The following BORCS5 variants were observed in gnomAD, a reference collection of about 807,000 sequenced individuals.
The protein encoded by BORCS5 is BLOC-1-related complex subunit 5.
Under a neutral mutation model 22.1 loss-of-function variants are expected in BORCS5, and 17 were observed. The observed-to-expected ratio is 0.77, with a 90% confidence interval of 0.53 to 1.15. The LOEUF (loss-of-function observed/expected upper bound fraction) is 1.15, where lower values mean the gene tolerates loss of function less well. Among genes scored for constraint, BORCS5 ranks in the 50% most tolerant of loss-of-function variants. BORCS5 has a pLI of 0.00. For missense variants in BORCS5, 247 were observed against 253.2 expected (o/e 0.98, Z 0.17); for synonymous variants, 117 against 99.8 (o/e 1.17, Z -1.03).
chr12:12,462,689 C>G (rs1263273912), intron 3 of BORCS5, among the ~76,000 whole-genome samples: 1 of 151,718 alleles, frequency 6.6e-6, no homozygotes, highest in Non-Finnish European at 1.5e-5. Context: ...TGGAGTCTCG[C>G]TCTGTCACCC....
intron 3 of BORCS5, among the ~76,000 whole-genome samples, chr12:12,442,729 C>T (rs1405725715): frequency 6.6e-6 from 1 of 152,222 alleles, no homozygotes; most frequent in Non-Finnish European, 1.5e-5. Context: ...ATCTTTTCCA[C>T]TGCACCATAC....
intron 2 of BORCS5, among the ~76,000 whole-genome samples, chr12:12,416,478 C>G (rs944842003): frequency 2.0e-5 from 3 of 151,786 alleles, no homozygotes; most frequent in Non-Finnish European, 2.9e-5. Flanking sequence ...GGGTATCACT[C>G]TGTTGCCAAG....
chr12:12,407,464 C>G (rs1941618581), intron 2 of BORCS5, among the ~76,000 whole-genome samples: 1 of 151,632 alleles, frequency 6.6e-6, no homozygotes, highest in African/African-American at 2.4e-5. Context: ...AATCAACATA[C>G]CTGACTTTGT....
intron 1 of BORCS5, among the ~76,000 whole-genome samples, chr12:12,360,178 A>G (rs1863247643): frequency 6.6e-6 from 1 of 152,040 alleles, no homozygotes; most frequent in Non-Finnish European, 1.5e-5. Context: ...CCTGGCCAAT[A>G]TGGTGAAACC....
chr12:12,432,353 T>A (rs1942451490), intron 2 of BORCS5, among the ~76,000 whole-genome samples: 1 of 152,248 alleles, frequency 6.6e-6, no homozygotes, highest in African/African-American at 2.4e-5. Flanking sequence ...TTTGCGTTCC[T>A]GGAAATGTAT....
chr12:12,434,044 G>A (rs552776446), intron 2 of BORCS5, among the ~76,000 whole-genome samples: 1 of 151,992 alleles, frequency 6.6e-6, no homozygotes, highest in South Asian at 2.1e-4. Context: ...CAGGTGAGGT[G>A]GCTTACACTG....
intron 2 of BORCS5, among the ~76,000 whole-genome samples, chr12:12,428,338 A>G (rs1353985142): frequency 6.6e-6 from 1 of 152,224 alleles, no homozygotes; most frequent in African/African-American, 2.4e-5. Flanking sequence ...CATTTTACAC[A>G]AAGAGGTAGG....
At chr12:12,424,573 G>C (rs991406063) in intron 2 of BORCS5, among the ~76,000 whole-genome samples, 1 of 149,828 alleles carries the variant, frequency 6.7e-6, no homozygotes, top group South Asian at 2.1e-4. Context: ...CTTTGAATGA[G>C]CCATACTTTT....
At chr12:12,407,853 G>A (rs1292880798) in intron 2 of BORCS5, among the ~76,000 whole-genome samples, 3 of 151,868 alleles carry the variant, frequency 2.0e-5, no homozygotes, top group Non-Finnish European at 4.4e-5. Flanking sequence ...GGGACCTCAG[G>A]TGCACACCAC....
intron 2 of BORCS5, among the ~76,000 whole-genome samples, chr12:12,412,162 A>G (rs1425680716): frequency 6.6e-6 from 1 of 152,206 alleles, no homozygotes. Context: ...AAAAAAAGTC[A>G]CTGGGATTTT....
intron 2 of BORCS5, among the ~76,000 whole-genome samples, chr12:12,419,440 A>G (rs1942057258): frequency 1.3e-5 from 2 of 152,152 alleles, no homozygotes; most frequent in South Asian, 4.1e-4. Context: ...AATCCAGTCT[A>G]TCATTGATGG....
intron 3 of BORCS5, among the ~76,000 whole-genome samples, chr12:12,463,582 G>A (rs934238565): frequency 5.9e-5 from 9 of 152,144 alleles, no homozygotes; most frequent in African/African-American, 1.7e-4. Context: ...TTCCTCTTGC[G>A]GTTTTTTTCT....
chr12:12,442,009 G>A (rs1045988505), intron 3 of BORCS5, among the ~76,000 whole-genome samples: 1 of 152,132 alleles, frequency 6.6e-6, no homozygotes, highest in African/African-American at 2.4e-5. Context: ...CAGACACTTA[G>A]TTTTAGGTTA....
intron 2 of BORCS5, among the ~76,000 whole-genome samples, chr12:12,364,256 G>C (rs1165140592): frequency 6.6e-6 from 1 of 151,954 alleles, no homozygotes; most frequent in Non-Finnish European, 1.5e-5. Flanking sequence ...TGCAGCTGTA[G>C]TCCCAGCTAC....
chr12:12,399,027 C>T (rs1941412090), intron 2 of BORCS5, among the ~76,000 whole-genome samples: 1 of 152,040 alleles, frequency 6.6e-6, no homozygotes, highest in Admixed American at 6.6e-5. Context: ...CAGTGGTGCC[C>T]CAGTCTCTGC....
chr12:12,367,632 A>C (rs1863432371), intron 2 of BORCS5, among the ~76,000 whole-genome samples: 1 of 152,234 alleles, frequency 6.6e-6, no homozygotes, highest in Non-Finnish European at 1.5e-5. Flanking sequence ...TACTCAGAAG[A>C]GTGGGAAGTA....
chr12:12,419,950 TTGTC>T (rs1286673371), intron 2 of BORCS5, among the ~76,000 whole-genome samples: 1 of 152,220 alleles, frequency 6.6e-6, no homozygotes, highest in East Asian at 1.9e-4. Context: ...CATTAGCTCT[TTGTC>T]TGATGGATAG....
Position 12,375,629 on chromosome 12 carries a change from G to A in BORCS5, c.202+14280G>A, listed in dbSNP as rs189217907. On this transcript the variant is annotated intron_variant, in intron 2 of 3. Coordinates refer to ENST00000314565, the MANE Select transcript of BORCS5 (RefSeq NM_058169.6). The stretch of plus-strand genomic sequence containing the variant: ...GTGAGACCCTGTCTCTGAAACAACA[G>A]CAACAACACAGTCATAGGTATTTAA... Among the ~76,000 whole-genome samples the A allele has an allele frequency of 1.4e-4, 22 of 152,132 alleles. No individual in the cohort carries two copies. The East Asian group carries it at 4.2e-3, about 29-fold the overall frequency.
intron 2 of BORCS5, among the ~76,000 whole-genome samples, chr12:12,427,446 C>T (rs1043663978): frequency 6.6e-6 from 1 of 152,102 alleles, no homozygotes; most frequent in African/African-American, 2.4e-5. Context: ...TCCCAAAGTG[C>T]TGGGATTACA....
Sources: gnomAD v4.1 joint callset for allele counts (sites outside exome capture counted in the v4.1 genomes callset) on GRCh38, gnomAD v4.1.1 for gene constraint, MANE v1.5 for transcripts, NCBI Gene and HGNC (gene_info 2026-07-23, HGNC 2026-07-21) for gene names.